The following MPDZ variants were observed in gnomAD, a reference collection of about 807,000 sequenced individuals.
MPDZ encodes the protein multiple PDZ domain protein.
MPDZ carries 234 observed loss-of-function variants against 239.1 expected under a neutral mutation model. The observed-to-expected ratio is 0.98, with a 90% CI of 0.88 to 1.09. The LOEUF is 1.09. MPDZ is among the 50% of genes least tolerant of loss of function. MPDZ has a pLI of 0.00. For missense variants in MPDZ, 3,175 were observed against 2,510.0 expected (o/e 1.26, Z -5.66); for synonymous variants, 1,048 against 881.3 (o/e 1.19, Z -3.35).
chr9:13,171,645 G>T (rs969721638), intron 21 of MPDZ, among the ~76,000 whole-genome samples: 1 of 152,052 alleles, frequency 6.6e-6, no homozygotes, highest in Non-Finnish European at 1.5e-5. Context: ...GTCACTATAT[G>T]CACGTGTATA....
At chr9:13,157,210 C>T (rs1315898362) in intron 24 of MPDZ, among the ~76,000 whole-genome samples, 1 of 152,118 alleles carries the variant, frequency 6.6e-6, no homozygotes, top group Non-Finnish European at 1.5e-5. Context: ...CAAAGCATCA[C>T]ATTGTGATGG....
chr9:13,151,134 T>C (rs1949115177), intron 24 of MPDZ, among the ~76,000 whole-genome samples: 1 of 151,678 alleles, frequency 6.6e-6, no homozygotes, highest in South Asian at 2.1e-4. Context: ...GGCTACTACC[T>C]ACTAAAAACA....
chr9:13,225,544 A>G (rs1229021859), intron 3 of MPDZ, among the ~76,000 whole-genome samples: 1 of 152,014 alleles, frequency 6.6e-6, no homozygotes, highest in Non-Finnish European at 1.5e-5. Flanking sequence ...CATTCATGGT[A>G]CGTGTCTCCT....
intron 3 of MPDZ, among the ~76,000 whole-genome samples, chr9:13,241,047 C>T (rs918955658): frequency 2.0e-5 from 3 of 152,096 alleles, no homozygotes; most frequent in African/African-American, 7.2e-5. Context: ...TGAACAGTGC[C>T]TTCTTGCCCA....
chr9:13,256,248 G>A (rs1054514532), intron 1 of MPDZ, among the ~76,000 whole-genome samples: 2 of 152,318 alleles, frequency 1.3e-5, no homozygotes, highest in African/African-American at 4.8e-5. Context: ...TTTGGCGTAA[G>A]GGAATGTTGT....
At chr9:13,182,582 G>A (rs1443911048) in intron 19 of MPDZ, among the ~76,000 whole-genome samples, 1 of 151,816 alleles carries the variant, frequency 6.6e-6, no homozygotes, top group Non-Finnish European at 1.5e-5. Context: ...AGAATCAAAA[G>A]AAAAATGAGC....
chr9:13,196,041 G>A, intron 13 of MPDZ, 80 bp downstream of exon 13: 1 of 866,434 alleles, frequency 1.2e-6, no homozygotes, highest in Non-Finnish European at 1.8e-6. Flanking sequence ...GAACTCTAAT[G>A]ATTGCCTCTA....
At chr9:13,233,087 A>T (rs1324576728) in intron 3 of MPDZ, among the ~76,000 whole-genome samples, 3 of 152,182 alleles carry the variant, frequency 2.0e-5, no homozygotes, top group Admixed American at 2.0e-4. Context: ...GAACTTTCAT[A>T]CACTAAATAT....
In MPDZ at chr9:13,136,700, GA is replaced by G. The variant is rs1946869878; in HGVS notation, c.4292+11del. 6.6e-7 allele frequency: 1 copy of G among 1,504,248 alleles called. No homozygotes were observed. Among genetic ancestry groups the G allele is most frequent in the Non-Finnish European group, 9.1e-7 (1 of 1,094,772 alleles). 93.2% of individuals were successfully genotyped at this position (1,504,248 alleles called of 1,614,324 possible). Reference sequence around the variant, plus strand: ...AAAAGTATTTGGTAAACTAGCAAAAGAAAATGATCACCTGATAAAAATTATT... The same window carrying G: ...AAAAGTATTTGGTAAACTAGCAAAAGAAATGATCACCTGATAAAAATTATT... On this transcript the variant is annotated intron_variant, in intron 30 of 46. Coordinates refer to ENST00000319217, the MANE Select transcript of MPDZ (RefSeq NM_001378778.1).
intron 8 of MPDZ, among the ~76,000 whole-genome samples, chr9:13,218,314 CTT>C (rs918713112): frequency 1.3e-5 from 2 of 151,780 alleles, no homozygotes; most frequent in Non-Finnish European, 2.9e-5. Context: ...TTTAATAAGA[CTT>C]ATGCGAGTGC....
intron 19 of MPDZ, among the ~76,000 whole-genome samples, chr9:13,181,766 A>G (rs1953369344): frequency 6.6e-6 from 1 of 152,150 alleles, no homozygotes; most frequent in African/African-American, 2.4e-5. Flanking sequence ...AGATTGTGTA[A>G]TCCCTTTAAG....
At chr9:13,115,568 T>A (rs534759826) in intron 39 of MPDZ, among the ~76,000 whole-genome samples, 2 of 152,226 alleles carry the variant, frequency 1.3e-5, no homozygotes, top group Admixed American at 1.3e-4. Context: ...ACCTCATGAT[T>A]TCTATGGAGA....
chr9:13,237,803 TTGA>T (rs879307422), intron 3 of MPDZ, among the ~76,000 whole-genome samples: 56 of 152,308 alleles, frequency 3.7e-4, no homozygotes, highest in African/African-American at 1.3e-3. Flanking sequence ...CTTGAATTTG[TTGA>T]TAAGACTGCA....
Position 13,238,384 on chromosome 9 carries a change from T to C in MPDZ, c.183+9251A>G, listed in dbSNP as rs762867584. Among the ~76,000 whole-genome samples the C allele has an allele frequency of 9.9e-4, 150 of 152,168 alleles. 3 individuals carry two copies. The highest frequency in any genetic ancestry group is 2.8e-4 in the Non-Finnish European group (19 of 68,038). On this transcript the variant is annotated intron_variant, in intron 3 of 46. Coordinates refer to ENST00000319217, the MANE Select transcript of MPDZ (RefSeq NM_001378778.1). ...CGAACCGTGTAAACAACATCACACC[T>C]GGTCAAACCAACCGGAGAGCCCTAC...
At chr9:13,159,009 A>C (rs528306010) in intron 23 of MPDZ, among the ~76,000 whole-genome samples, 1 of 152,188 alleles carries the variant, frequency 6.6e-6, no homozygotes, top group South Asian at 2.1e-4. Context: ...ACTCTGATTC[A>C]ATAAATGTTT....
Position 13,140,003 on chromosome 9 carries a change from C to G in MPDZ, c.3987G>C (p.Glu1329Asp). The change falls in exon 28 of 47, where the codon GAG (glutamate) becomes GAC (aspartate). Residue 1329 changes from glutamate to aspartate, a missense_variant. Coordinates refer to ENST00000319217, the MANE Select transcript of MPDZ (RefSeq NM_001378778.1). The part of the protein sequence containing the change: ...KISQDVDKED[E>D]FGYSWKNIRE... The stretch of plus-strand genomic sequence containing the variant: ...ACAACTTACTCCAGCTGTAACCAAA[C>G]TCATCCTCTTTGTCCACATCTTGTG... 1 of 1,613,438 alleles carries G rather than the reference C, an allele frequency of 6.2e-7. No individual in the cohort carries two copies. The highest frequency in any genetic ancestry group is 8.5e-7 in the Non-Finnish European group (1 of 1,179,626).
chr9:13,136,320 G>GTTTTTTGT (rs1444109820), intron 30 of MPDZ, 138 bp from the exon 31 acceptor site: 1 of 192,916 alleles, frequency 5.2e-6, no homozygotes, highest in African/African-American at 6.6e-5. Flanking sequence ...ATTTACAAAC[G>GTTTTTTGT]TTTTCTTTTT....
intron 38 of MPDZ, 97 bp from the exon 39 acceptor site, chr9:13,119,746 G>T: frequency 1.4e-6 from 2 of 1,436,008 alleles, no homozygotes; most frequent in Non-Finnish European, 1.9e-6. Flanking sequence ...ATTTTTACTT[G>T]TTTTTATGAC....
At chr9:13,109,551 C>A (rs1942065958) in intron 45 of MPDZ, among the ~76,000 whole-genome samples, 1 of 152,118 alleles carries the variant, frequency 6.6e-6, no homozygotes, top group Admixed American at 6.5e-5. Flanking sequence ...AGTATTGTTA[C>A]TTAATACTGT....
Sources: gnomAD v4.1 joint callset for allele counts (sites outside exome capture counted in the v4.1 genomes callset) on GRCh38, gnomAD v4.1.1 for gene constraint, MANE v1.5 for transcripts, NCBI Gene and HGNC (gene_info 2026-07-23, HGNC 2026-07-21) for gene names.